Variants in USP26 observed in about 807,000 individuals in gnomAD.
USP26 encodes ubiquitin carboxyl-terminal hydrolase 26.
For synonymous variants in USP26, 236 were observed against 240.6 expected, an observed-to-expected ratio of 0.98 and a Z score of 0.18; for missense variants, 649 against 642.3, an observed-to-expected ratio of 1.01 and a Z score of -0.11.
In USP26 at chrX:133,055,235, T is replaced by C. The variant is rs755255739; in HGVS notation, c.-76-26939A>G. Among the ~76,000 whole-genome samples the C allele has an allele frequency of 2.7e-5, 3 of 111,823 alleles. No individual in the cohort carries two copies. The East Asian group carries it at 8.4e-4, about 31-fold the overall frequency. ...GTTGGGGAAGGGATGTAGTTAATTATACACAGCACTAGTTTCCTGATTGAA... is the reference window on the plus strand; with the variant it reads ...GTTGGGGAAGGGATGTAGTTAATTACACACAGCACTAGTTTCCTGATTGAA... On this transcript the variant is annotated intron_variant, in intron 5 of 5. Transcript: ENST00000511190.
intron 5 of USP26, among the ~76,000 whole-genome samples, chrX:133,030,618 T>C (rs1270053232): frequency 3.6e-5 from 4 of 111,869 alleles, no homozygotes; most frequent in Non-Finnish European, 7.5e-5. Flanking sequence ...TGAAGGTTTG[T>C]GTTGCTTTTG....
intron 5 of USP26, among the ~76,000 whole-genome samples, chrX:133,073,532 TTAC>T (rs998799368): frequency 1.8e-5 from 2 of 110,601 alleles, no homozygotes; most frequent in African/African-American, 6.6e-5. Context: ...AAGGTAGCGC[TTAC>T]TACTTTCTAC....
chrX:133,026,425 G>A lies in USP26; in HGVS notation c.1796C>T (p.Ala599Val). The A allele has an allele frequency of 1.7e-6, 2 of 1,208,092 alleles. No individual in the cohort carries two copies. Among genetic ancestry groups the A allele is most frequent in the African/African-American group, 3.5e-5 (2 of 56,784 alleles). Reference sequence around the variant, plus strand: ...CTCCTTATCTGATCCAATGTGTGGAGCCAGGATATCTTTGGATTCCTTTGT... The same window carrying A: ...CTCCTTATCTGATCCAATGTGTGGAACCAGGATATCTTTGGATTCCTTTGT... Reference protein sequence around the residue: ...PATKESKDILAPHIGSDKESE... With the variant: ...PATKESKDILVPHIGSDKESE... The change falls in exon 6 of 6, where the codon GCT becomes GTT. Residue 599 changes from alanine to valine, a missense_variant. Transcript: ENST00000511190.
At position 133,027,011 on chromosome X, in the gene USP26, TTG is replaced by T; in HGVS notation, c.1208_1209del (p.Thr403AsnfsTer5). ...QLKDNMEKLN[T>X]IWKPKSEFGE... is the part of the protein sequence containing the mutation. ...CCAAATTCACTTTTAGGCTTCCAAA[TTG>T]TGTTGAGTTTTTCCATGTTATCTTT... On this transcript the variant is annotated frameshift_variant, in exon 6 of 6. Coordinates refer to ENST00000511190, the MANE Select transcript of USP26 (RefSeq NM_031907.3). LOFTEE classifies it low-confidence loss of function (END_TRUNC). The T allele has an allele frequency of 2.5e-6, 3 of 1,211,426 alleles. No individual in the cohort carries two copies. Among genetic ancestry groups the T allele is most frequent in the Non-Finnish European group, 3.4e-6 (3 of 895,371 alleles).
chrX:133,049,678 T>C (rs1007249539), intron 5 of USP26, among the ~76,000 whole-genome samples: 9 of 112,265 alleles, frequency 8.0e-5, no homozygotes, highest in Admixed American at 1.9e-4. Flanking sequence ...CTCAAGAATA[T>C]TGGACATGTT....
In USP26 at chrX:133,027,845, C is replaced by T; in HGVS notation, c.376G>A (p.Glu126Lys). ...GSVFSSTTQKEINKTSFHKVD... is the reference protein window; with the variant it reads ...GSVFSSTTQKKINKTSFHKVD... ...TTGTGGAATGAAGTTTTGTTGATTT[C>T]CTTCTGTGTTGTGCTAGAAAAGACA... The change falls in exon 6 of 6, where the codon GAA (glutamate) becomes AAA (lysine). Residue 126 changes from glutamate to lysine, a missense_variant. Transcript: ENST00000511190. 8.3e-7 allele frequency: 1 copy of T among 1,205,190 alleles called. No homozygotes were observed.
intron 5 of USP26, among the ~76,000 whole-genome samples, chrX:133,057,866 ATTTTTTTTTTTTTTTT>A (rs59814007): frequency 2.1e-4 from 2 of 9,329 alleles, no homozygotes; most frequent in Non-Finnish European, 3.2e-4. Context: ...ATATATATAT[ATTTTTTTTTTTTTTTT>A]TTTTTTTTTT....
intron 5 of USP26, among the ~76,000 whole-genome samples, chrX:133,043,009 C>G (rs778075333): frequency 9.0e-6 from 1 of 111,286 alleles, no homozygotes; most frequent in South Asian, 3.8e-4. Context: ...AGGAAAGGTA[C>G]GAAGTATTTC....
chrX:133,040,138 T>C (rs936152888), intron 5 of USP26, among the ~76,000 whole-genome samples: 4 of 112,097 alleles, frequency 3.6e-5, no homozygotes, highest in Non-Finnish European at 5.6e-5. Context: ...ATCTTGACTC[T>C]TTATACAATT....
intron 5 of USP26, among the ~76,000 whole-genome samples, chrX:133,070,613 G>A (rs2067527386): frequency 8.9e-6 from 1 of 111,871 alleles, no homozygotes; most frequent in Non-Finnish European, 1.9e-5. Flanking sequence ...TGTGTTTAAT[G>A]TGAGTTATAT....
intron 1 of USP26, among the ~76,000 whole-genome samples, chrX:133,093,560 A>G (rs746984872): frequency 7.3e-5 from 8 of 109,579 alleles, no homozygotes; most frequent in African/African-American, 2.3e-4. Context: ...TGAGCCCAGA[A>G]GTCAAGGCTG....
intron 5 of USP26, among the ~76,000 whole-genome samples, chrX:133,037,538 C>T (rs1156403788): frequency 8.9e-6 from 1 of 111,874 alleles, no homozygotes; most frequent in African/African-American, 3.2e-5. Flanking sequence ...GTCTATATAT[C>T]TGTTTTGGTA....
In USP26 at chrX:133,043,165, G is replaced by C. The variant is rs1260693349; in HGVS notation, c.-76-14869C>G. On this transcript the variant is annotated intron_variant, in intron 5 of 5. Coordinates refer to ENST00000511190, the MANE Select transcript of USP26 (RefSeq NM_031907.3). Reference sequence around the variant, plus strand: ...AGAAAAAGGATGAGAATTTTGAGAAGGTACTGGATTGGGAACACCTTAAGC... The same window carrying C: ...AGAAAAAGGATGAGAATTTTGAGAACGTACTGGATTGGGAACACCTTAAGC... 3.6e-5 allele frequency among the ~76,000 whole-genome samples: 4 copies of C among 111,738 alleles called. No individual in the cohort carries two copies. The East Asian group carries it at 1.1e-3, about 31-fold the overall frequency.
intron 5 of USP26, among the ~76,000 whole-genome samples, chrX:133,074,685 C>T (rs2067541825): frequency 1.8e-5 from 2 of 112,459 alleles, no homozygotes; most frequent in Admixed American, 9.4e-5. Flanking sequence ...TTTCTCTCAT[C>T]AGTTCCTCTG....
In USP26 at chrX:133,026,590, T is replaced by A; in HGVS notation, c.1631A>T (p.Tyr544Phe). The A allele has an allele frequency of 8.3e-7, 1 of 1,208,534 alleles. No individual in the cohort carries two copies. Among genetic ancestry groups the A allele is most frequent in the Non-Finnish European group, 1.1e-6 (1 of 894,246 alleles). ...ATTGCAATGAGAAGACACCTTTAAA[T>A]ATTTGGAAATGATGACTTCCTGGTC... ...KNDQEVIISK[Y>F]LKVSSHCNEG... The change falls in exon 6 of 6, where the codon TAT (tyrosine) becomes TTT (phenylalanine). Residue 544 changes from tyrosine to phenylalanine, a missense_variant. Transcript: ENST00000511190.
At chrX:133,070,636 T>C (rs907888447) in intron 5 of USP26, among the ~76,000 whole-genome samples, 2 of 112,140 alleles carry the variant, frequency 1.8e-5, no homozygotes, top group Non-Finnish European at 1.9e-5. Flanking sequence ...ATTTCTCATA[T>C]GAATGATTGA....
chrX:133,047,329 T>A (rs1569510095), intron 5 of USP26, among the ~76,000 whole-genome samples: 1 of 112,068 alleles, frequency 8.9e-6, no homozygotes, highest in African/African-American at 3.2e-5. Context: ...TTCCCTCAAT[T>A]CTTGGCCTTT....
intron 5 of USP26, among the ~76,000 whole-genome samples, chrX:133,073,193 C>T (rs1406226263): frequency 2.7e-5 from 3 of 110,199 alleles, no homozygotes; most frequent in Non-Finnish European, 5.7e-5. Flanking sequence ...GTACTTCACT[C>T]TCATTACTCA....
intron 5 of USP26, among the ~76,000 whole-genome samples, chrX:133,048,851 G>A (rs1245344248): frequency 8.9e-6 from 1 of 111,804 alleles, no homozygotes; most frequent in Non-Finnish European, 1.9e-5. Context: ...TGGCCCAGTT[G>A]CATTCTTTAA....
Sources: gnomAD v4.1 joint callset for allele counts (sites outside exome capture counted in the v4.1 genomes callset) on GRCh38, gnomAD v4.1.1 for gene constraint, MANE v1.5 for transcripts, NCBI Gene and HGNC (gene_info 2026-07-23, HGNC 2026-07-21) for gene names.